The following DACH1 variants were observed in gnomAD, a reference collection of about 807,000 sequenced individuals.
The protein encoded by DACH1 is dachshund family transcription factor 1.
DACH1 carries 12 observed loss-of-function variants against 54.2 expected under a neutral mutation model. The observed-to-expected ratio is 0.22, with a 90% CI of 0.14 to 0.36. The LOEUF is 0.36. Among genes scored for constraint, DACH1 ranks in the 10% least tolerant of loss-of-function variants. DACH1 has a pLI of 1.00. For missense variants in DACH1, 805 were observed against 929.8 expected (o/e 0.87, Z 1.75); for synonymous variants, 386 against 366.2 (o/e 1.05, Z -0.62).
At chr13:71,583,309 T>A (rs920366921) in intron 3 of DACH1, among the ~76,000 whole-genome samples, 1 of 152,132 alleles carries the variant, frequency 6.6e-6, no homozygotes, top group Non-Finnish European at 1.5e-5. Context: ...CATTTTTGTT[T>A]CTTTTTTGCA....
At chr13:71,606,428 T>C (rs1451808849) in intron 3 of DACH1, among the ~76,000 whole-genome samples, 1 of 152,016 alleles carries the variant, frequency 6.6e-6, no homozygotes, top group Non-Finnish European at 1.5e-5. Context: ...AATAGAACTA[T>C]TTTCAAGGAT....
intron 1 of DACH1, among the ~76,000 whole-genome samples, chr13:71,702,932 T>G (rs1042743842): frequency 6.6e-6 from 1 of 152,218 alleles, no homozygotes; most frequent in African/African-American, 2.4e-5. Flanking sequence ...ATTAGGAATA[T>G]ATATGACTGG....
intron 1 of DACH1, among the ~76,000 whole-genome samples, chr13:71,831,313 T>C (rs1222570386): frequency 6.6e-6 from 1 of 151,766 alleles, no homozygotes; most frequent in Non-Finnish European, 1.5e-5. Flanking sequence ...ATTTAAAATA[T>C]TTAGTAACCA....
chr13:71,757,160 A>G (rs1018019469), intron 1 of DACH1, among the ~76,000 whole-genome samples: 1 of 152,234 alleles, frequency 6.6e-6, no homozygotes, highest in East Asian at 1.9e-4. Context: ...ATTATGCCTC[A>G]GTAACTCATA....
rs998721026 is a variant in DACH1, at chr13:71,866,308, ACTACTGCTGCTGCTGCTGCTGCTG to A, written c.438_461del (p.Ser156_Ser163del). The A allele has an allele frequency of 3.3e-5, 51 of 1,553,770 alleles. 1 individual carries two copies. The highest frequency in any genetic ancestry group is 2.4e-4 in the East Asian group (10 of 41,238). Reference sequence around the variant, plus strand: ...TGCTGCTGCTACTGCTGCTGCTGCTACTACTGCTGCTGCTGCTGCTGCTGCTACTGCTGCTGCTGCTGCTGCCGG... The same window carrying A: ...TGCTGCTGCTACTGCTGCTGCTGCTACTACTGCTGCTGCTGCTGCTGCCGG... On this transcript the variant is annotated inframe_deletion, in exon 1 of 11. Transcript: ENST00000613252.
intron 6 of DACH1, among the ~76,000 whole-genome samples, chr13:71,507,742 G>C (rs528973697): frequency 6.6e-6 from 1 of 152,242 alleles, no homozygotes; most frequent in Non-Finnish European, 1.5e-5. Flanking sequence ...AATTCTTACA[G>C]CATGGCTAAG....
chr13:71,548,540 G>C (rs1379387870), intron 6 of DACH1, among the ~76,000 whole-genome samples: 3 of 152,208 alleles, frequency 2.0e-5, no homozygotes, highest in Non-Finnish European at 2.9e-5. Flanking sequence ...AAACATAGCT[G>C]TCCATTTACA....
chr13:71,826,339 TC>T (rs1888378198), intron 1 of DACH1, among the ~76,000 whole-genome samples: 1 of 152,104 alleles, frequency 6.6e-6, no homozygotes, highest in Admixed American at 6.6e-5. Flanking sequence ...TCTAAGTCTT[TC>T]CTACTTTTCA....
chr13:71,695,014 A>G (rs56347192), intron 1 of DACH1, among the ~76,000 whole-genome samples: 5,987 of 152,252 alleles, frequency 0.039, 275 homozygotes, highest in African/African-American at 0.11. Context: ...AAGTTTTCTT[A>G]TTATTTCAAA....
At chr13:71,492,434 C>G (rs1879055040) in intron 6 of DACH1, among the ~76,000 whole-genome samples, 1 of 151,992 alleles carries the variant, frequency 6.6e-6, no homozygotes, top group South Asian at 2.1e-4. Flanking sequence ...AAAGTGAAAA[C>G]TAGGCAGATG....
At chr13:71,617,418 G>A (rs1288393213) in intron 3 of DACH1, among the ~76,000 whole-genome samples, 6 of 152,116 alleles carry the variant, frequency 3.9e-5, no homozygotes, top group Non-Finnish European at 8.8e-5. Flanking sequence ...AATACTGCCT[G>A]CACTGCATGA....
At chr13:71,469,106 G>C (rs1178992185) in intron 10 of DACH1, among the ~76,000 whole-genome samples, 1 of 152,104 alleles carries the variant, frequency 6.6e-6, no homozygotes, top group African/African-American at 2.4e-5. Flanking sequence ...CATAAATCTC[G>C]ATTCAATGCC....
intron 1 of DACH1, among the ~76,000 whole-genome samples, chr13:71,842,623 G>C (rs946096966): frequency 6.6e-6 from 1 of 151,818 alleles, no homozygotes; most frequent in Non-Finnish European, 1.5e-5. Context: ...TGATAGCAGA[G>C]TAATGTGACA....
intron 2 of DACH1, among the ~76,000 whole-genome samples, chr13:71,660,236 C>T (rs528539024): frequency 6.6e-6 from 1 of 152,180 alleles, no homozygotes; most frequent in African/African-American, 2.4e-5. Flanking sequence ...TGATAATTTG[C>T]TTGATTCACT....
intron 1 of DACH1, among the ~76,000 whole-genome samples, chr13:71,726,967 G>A (rs185253864): frequency 6.6e-6 from 1 of 151,908 alleles, no homozygotes; most frequent in Non-Finnish European, 1.5e-5. Flanking sequence ...TTTTGTTAAA[G>A]ACCAATCAAT....
At chr13:71,482,017 A>C (rs1318783283) in intron 7 of DACH1, among the ~76,000 whole-genome samples, 1 of 152,222 alleles carries the variant, frequency 6.6e-6, no homozygotes, top group African/African-American at 2.4e-5. Flanking sequence ...TTTTTTCTCC[A>C]AGGGGAGGAT....
intron 1 of DACH1, among the ~76,000 whole-genome samples, chr13:71,741,651 CT>C (rs962562183): frequency 6.6e-6 from 1 of 151,958 alleles, no homozygotes; most frequent in African/African-American, 2.4e-5. Flanking sequence ...TAATTTAACT[CT>C]TATTAACTTA....
chr13:71,504,226 C>A (rs543223201), intron 6 of DACH1, among the ~76,000 whole-genome samples: 2 of 151,946 alleles, frequency 1.3e-5, no homozygotes, highest in African/African-American at 4.8e-5. Context: ...ACAATTAACA[C>A]GAGAAATCTT....
At chr13:71,864,836 G>A (rs1874612876) in intron 1 of DACH1, among the ~76,000 whole-genome samples, 2 of 151,358 alleles carry the variant, frequency 1.3e-5, no homozygotes, top group East Asian at 2.0e-4. Context: ...TCCTCCGTGC[G>A]CGCGCTTTGC....
Sources: gnomAD v4.1 joint callset for allele counts (sites outside exome capture counted in the v4.1 genomes callset) on GRCh38, gnomAD v4.1.1 for gene constraint, MANE v1.5 for transcripts, NCBI Gene and HGNC (gene_info 2026-07-23, HGNC 2026-07-21) for gene names.